Variants in ME3 observed in about 807,000 individuals in gnomAD.
ME3 encodes NADP-dependent malic enzyme, mitochondrial.
In ME3, 48 loss-of-function variants were observed where a neutral mutation model predicts 68.9. The ratio of observed to expected loss-of-function variants is 0.70; its 90% confidence interval spans 0.55 to 0.89. The LOEUF is 0.89. Among genes scored for constraint, ME3 ranks in the 40% least tolerant of loss-of-function variants. The pLI is 0.00. For synonymous variants in ME3, 320 were observed against 318.8 expected (o/e 1.00, Z -0.04); for missense variants, 675 against 797.4 (o/e 0.85, Z 1.85).
chr11:86,447,364 C>A (rs890894054), intron 11 of ME3, among the ~76,000 whole-genome samples, 157 bp from the exon 12 acceptor site: 4 of 152,200 alleles, frequency 2.6e-5, no homozygotes, highest in African/African-American at 9.7e-5. Flanking sequence ...GGAAAATGAT[C>A]TTCCTGCTTG....
intron 2 of ME3, among the ~76,000 whole-genome samples, chr11:86,592,214 A>T (rs929630066): frequency 1.3e-5 from 2 of 152,164 alleles, no homozygotes; most frequent in Non-Finnish European, 2.9e-5. Flanking sequence ...TGGGAATTCA[A>T]TCACTTGAAC....
At chr11:86,627,792 A>G (rs1943754234) in intron 2 of ME3, among the ~76,000 whole-genome samples, 1 of 152,228 alleles carries the variant, frequency 6.6e-6, no homozygotes, top group African/African-American at 2.4e-5. Context: ...CTTGTACCAA[A>G]GAAAAAGCAC....
At chr11:86,531,010 A>T (rs11532101) in intron 4 of ME3, among the ~76,000 whole-genome samples, 32,685 of 152,054 alleles carry the variant, frequency 0.21, 4,349 homozygotes, top group Non-Finnish European at 0.31. Context: ...GATCTAATTA[A>T]ACTAAAGAGC....
At chr11:86,506,656 A>C (rs954627758) in intron 5 of ME3, among the ~76,000 whole-genome samples, 2 of 152,246 alleles carry the variant, frequency 1.3e-5, no homozygotes, top group East Asian at 3.8e-4. Context: ...CTCCTGGCAC[A>C]GTATCTGTGA....
intron 14 of ME3, 111 bp from the exon 15 acceptor site, chr11:86,441,551 T>G: frequency 9.3e-7 from 1 of 1,074,208 alleles, no homozygotes; most frequent in Non-Finnish European, 1.3e-6. Context: ...CCAGACTTGT[T>G]TCTTTCATGA....
rs113383627 is a variant in ME3, at chr11:86,444,473, C to T, written c.1555-1554G>A. On this transcript the variant is annotated intron_variant, in intron 13 of 14. Coordinates refer to ENST00000543262, the Ensembl canonical transcript of ME3. Reference sequence around the variant, plus strand: ...CCTGACCTATGTTTTGAAGGATTCTCTTTGTGAAGGTATAGAAGATGGATT... The same window carrying T: ...CCTGACCTATGTTTTGAAGGATTCTTTTTGTGAAGGTATAGAAGATGGATT... Among the ~76,000 whole-genome samples the T allele has an allele frequency of 8.9e-3, 1,350 of 152,228 alleles. 15 individuals are homozygous for T. The highest frequency in any genetic ancestry group is 0.034 in the South Asian group (162 of 4,806).
At chr11:86,490,768 G>A (rs546513939) in intron 6 of ME3, among the ~76,000 whole-genome samples, 21 of 152,312 alleles carry the variant, frequency 1.4e-4, no homozygotes, top group Admixed American at 2.0e-4. Flanking sequence ...AAGATTAAAA[G>A]GGTCCATGGT....
At position 86,493,612 on chromosome 11, in the gene ME3, C is replaced by T. The variant is rs139262329; in HGVS notation, c.705+4351G>A. ...TGAAACAAAATAAATCCAATCCACA[C>T]GTAGCCATGATGGAAGGCTGAGCAG... is the stretch of plus-strand genomic sequence containing the variant. On this transcript the variant is annotated intron_variant, in intron 6 of 14. Coordinates refer to ENST00000543262, the Ensembl canonical transcript of ME3. Among the ~76,000 whole-genome samples, 22 of 152,362 alleles carry T rather than the reference C, an allele frequency of 1.4e-4. No homozygotes were observed. The East Asian group carries it at 3.7e-3, about 25-fold the overall frequency.
At chr11:86,534,034 A>G (rs1478240566) in intron 4 of ME3, among the ~76,000 whole-genome samples, 3 of 151,602 alleles carry the variant, frequency 2.0e-5, no homozygotes, top group Non-Finnish European at 4.4e-5. Flanking sequence ...CTATCTGAAC[A>G]CCCAAACATT....
intron 2 of ME3, among the ~76,000 whole-genome samples, chr11:86,579,323 T>TA (rs1253528840): frequency 6.6e-6 from 1 of 152,196 alleles, no homozygotes; most frequent in African/African-American, 2.4e-5. Context: ...AACTTGCCCA[T>TA]GAGAGGCAGT....
chr11:86,557,344 A>G (rs780738524), intron 3 of ME3, among the ~76,000 whole-genome samples: 6 of 152,160 alleles, frequency 3.9e-5, no homozygotes, highest in Non-Finnish European at 8.8e-5. Flanking sequence ...CTAAGAATGC[A>G]AAAACCTCTG....
intron 2 of ME3, among the ~76,000 whole-genome samples, chr11:86,635,498 G>C (rs1431656277): frequency 1.3e-5 from 2 of 152,158 alleles, no homozygotes; most frequent in African/African-American, 4.8e-5. Flanking sequence ...TCATGTATTG[G>C]AAACTAACTT....
the ME3 span, chr11:86,435,595 T>C: frequency 6.6e-6 from 1 of 152,236 alleles, no homozygotes; most frequent in African/African-American, 2.4e-5. Context: ...TTAAGAACTT[T>C]GGCCAGTTTC....
intron 4 of ME3, among the ~76,000 whole-genome samples, chr11:86,531,816 G>A (rs564483214): frequency 7.5e-4 from 104 of 138,692 alleles, no homozygotes; most frequent in African/African-American, 2.7e-3. Flanking sequence ...TCACACACCG[G>A]GGCCTATTTT....
At chr11:86,449,264 T>C (rs1411493695) in intron 10 of ME3, among the ~76,000 whole-genome samples, 1 of 152,248 alleles carries the variant, frequency 6.6e-6, no homozygotes, top group Non-Finnish European at 1.5e-5. Flanking sequence ...GTTGTGTCTC[T>C]CAACACGTGC....
At chr11:86,650,871 C>T (rs573368482) in intron 2 of ME3, among the ~76,000 whole-genome samples, 1 of 152,306 alleles carries the variant, frequency 6.6e-6, no homozygotes, top group Admixed American at 6.5e-5. Context: ...CAGAGGGCAC[C>T]AGGAAAATCA....
At chr11:86,529,835 G>A (rs978950511) in intron 4 of ME3, among the ~76,000 whole-genome samples, 1 of 152,114 alleles carries the variant, frequency 6.6e-6, no homozygotes, top group Non-Finnish European at 1.5e-5. Context: ...CAATAAATTA[G>A]GTATTGATGG....
intron 2 of ME3, among the ~76,000 whole-genome samples, chr11:86,590,691 G>A (rs140578097): frequency 3.8e-4 from 58 of 152,236 alleles, no homozygotes; most frequent in Non-Finnish European, 7.1e-4. Flanking sequence ...GAATGACATG[G>A]GTCCTGAAAG....
chr11:86,568,939 A>G (rs1165211817), intron 2 of ME3, among the ~76,000 whole-genome samples: 1 of 152,256 alleles, frequency 6.6e-6, no homozygotes, highest in Non-Finnish European at 1.5e-5. Flanking sequence ...GTGGGTTAAC[A>G]TACAATACCA....
Sources: gnomAD v4.1 joint callset for allele counts (sites outside exome capture counted in the v4.1 genomes callset) on GRCh38, gnomAD v4.1.1 for gene constraint, MANE v1.5 for transcripts, NCBI Gene and HGNC (gene_info 2026-07-23, HGNC 2026-07-21) for gene names.